WWOX: variants seen among roughly 807,000 people sequenced by gnomAD.
The protein encoded by WWOX is WW domain containing oxidoreductase.
Under a neutral mutation model 46.2 loss-of-function variants are expected in WWOX, and 69 were observed. That is an observed-to-expected ratio of 1.49 (90% CI 1.23 to 1.82). The LOEUF (loss-of-function observed/expected upper bound fraction) is 1.82, where lower values mean the gene tolerates loss of function less well. Among genes scored for constraint, WWOX ranks in the 40% most tolerant of loss-of-function variants. WWOX has a pLI of 0.00. For synonymous variants in WWOX, 359 were observed against 202.6 expected (o/e 1.77, Z -6.56); for missense variants, 919 against 542.6 (o/e 1.69, Z -6.89).
At chr16:78,722,317 A>G (rs2048712633) in intron 8 of WWOX, among the ~76,000 whole-genome samples, 1 of 152,188 alleles carries the variant, frequency 6.6e-6, no homozygotes, top group South Asian at 2.1e-4. Context: ...TCTTTACTCA[A>G]GGCTCTTGGT....
At chr16:78,668,611 C>G (rs77949872) in intron 8 of WWOX, among the ~76,000 whole-genome samples, 2 of 151,944 alleles carry the variant, frequency 1.3e-5, no homozygotes, top group African/African-American at 4.8e-5. Flanking sequence ...TTGTTATCTG[C>G]GGGGAACAGG....
chr16:78,249,745 T>A (rs969941929), intron 5 of WWOX, among the ~76,000 whole-genome samples: 2 of 152,138 alleles, frequency 1.3e-5, no homozygotes, highest in Non-Finnish European at 2.9e-5. Flanking sequence ...ATATGGCCCC[T>A]TTCTTCCCAA....
At chr16:79,021,394 GC>G (rs1326268392) in intron 8 of WWOX, among the ~76,000 whole-genome samples, 1 of 152,104 alleles carries the variant, frequency 6.6e-6, no homozygotes, top group Non-Finnish European at 1.5e-5. Flanking sequence ...GGCATTTGGT[GC>G]CCTTTGCAGA....
chr16:78,919,519 G>GTT lies in WWOX; in HGVS notation c.1057-292086_1057-292085dup, dbSNP rs1362661780. 3.6e-3 allele frequency among the ~76,000 whole-genome samples: 244 copies of GTT among 67,264 alleles called. 3 individuals are homozygous for GTT. The highest frequency in any genetic ancestry group is 9.4e-3 in the African/African-American group (212 of 22,566). The allele number at this position is 67,264 out of a possible 152,430, so 44.1% of individuals were successfully genotyped here. ...TCTCTTTTTTTTCTTTTATCTTTTT[G>GTT]TTTTGTTTTTTTTTTTTTTGAGGGA... On this transcript the variant is annotated intron_variant, in intron 8 of 8. Transcript: ENST00000566780.
At chr16:78,978,409 T>C (rs1323781520) in intron 8 of WWOX, among the ~76,000 whole-genome samples, 2 of 152,164 alleles carry the variant, frequency 1.3e-5, no homozygotes, top group Non-Finnish European at 2.9e-5. Context: ...TGGGGAAATA[T>C]CAAACCGTTT....
chr16:78,375,313 G>T (rs1258596701), intron 5 of WWOX, among the ~76,000 whole-genome samples: 1 of 152,228 alleles, frequency 6.6e-6, no homozygotes, highest in African/African-American at 2.4e-5. Flanking sequence ...CAAACAGCCT[G>T]AAGAACCAGG....
intron 1 of WWOX, among the ~76,000 whole-genome samples, chr16:78,106,929 T>C (rs950962168): frequency 6.6e-6 from 1 of 152,166 alleles, no homozygotes; most frequent in Non-Finnish European, 1.5e-5. Context: ...GCTGCTCAGG[T>C]CTTCAGCGTG....
At chr16:79,013,440 C>G (rs2047352079) in intron 8 of WWOX, among the ~76,000 whole-genome samples, 1 of 151,950 alleles carries the variant, frequency 6.6e-6, no homozygotes, top group Non-Finnish European at 1.5e-5. Flanking sequence ...ATTTTTTTCC[C>G]TTCTTTGTTT....
chr16:79,105,549 C>T (rs1597380220), intron 8 of WWOX, among the ~76,000 whole-genome samples: 2 of 152,136 alleles, frequency 1.3e-5, no homozygotes, highest in South Asian at 4.1e-4. Flanking sequence ...TCTAGAAATG[C>T]ATATATAGCT....
Position 79,199,303 on chromosome 16 carries a change from T to C in WWOX, c.1057-12305T>C, listed in dbSNP as rs564143731. On this transcript the variant is annotated intron_variant, in intron 8 of 8. Transcript: ENST00000566780. ...GTCTCGAACTCCTGACCTCAAGTGA[T>C]CCACCTGCCTTGGCCTCCCAAAGTG... Among the ~76,000 whole-genome samples, 10 of 152,268 alleles carry C rather than the reference T, an allele frequency of 6.6e-5. No individual in the cohort carries two copies. In the East Asian group the frequency reaches 1.9e-3, roughly 29 times the overall value.
At chr16:78,790,676 C>G (rs1410291501) in intron 8 of WWOX, among the ~76,000 whole-genome samples, 1 of 152,038 alleles carries the variant, frequency 6.6e-6, no homozygotes, top group East Asian at 1.9e-4. Context: ...TACAAAGGTT[C>G]AGAGAAAATC....
intron 5 of WWOX, among the ~76,000 whole-genome samples, chr16:78,298,115 A>G (rs1471482002): frequency 1.3e-5 from 2 of 152,148 alleles, no homozygotes; most frequent in African/African-American, 4.8e-5. Context: ...TTCTCCTTCC[A>G]TCATGAATGT....
chr16:78,249,371 A>G (rs1480150922), intron 5 of WWOX, among the ~76,000 whole-genome samples: 5 of 152,228 alleles, frequency 3.3e-5, no homozygotes. Context: ...GTGGGCCAGA[A>G]TGCCACTCGT....
At chr16:79,084,758 T>C (rs2048823512) in intron 8 of WWOX, among the ~76,000 whole-genome samples, 2 of 151,650 alleles carry the variant, frequency 1.3e-5, no homozygotes. Context: ...TCACAGTGAC[T>C]CCTTGTTAGG....
At position 78,450,446 on chromosome 16, in the gene WWOX, T is replaced by C. The variant is rs959583851; in HGVS notation, c.1056+17694T>C. Among the ~76,000 whole-genome samples, 9 of 152,254 alleles carry C rather than the reference T, an allele frequency of 5.9e-5. No individual in the cohort carries two copies. The East Asian group carries it at 1.7e-3, about 29-fold the overall frequency. Reference sequence around the variant, plus strand: ...AACAGGGAATAATAAACAGTCAGAGTGTCCAAGTAATCTGAGCTAGAAAGT... The same window carrying C: ...AACAGGGAATAATAAACAGTCAGAGCGTCCAAGTAATCTGAGCTAGAAAGT... On this transcript the variant is annotated intron_variant, in intron 8 of 8. Coordinates refer to ENST00000566780, the MANE Select transcript of WWOX (RefSeq NM_016373.4).
intron 8 of WWOX, among the ~76,000 whole-genome samples, chr16:79,083,516 C>A (rs1265257490): frequency 1.3e-5 from 2 of 152,200 alleles, no homozygotes; most frequent in African/African-American, 4.8e-5. Context: ...TCACCTGACA[C>A]AAACGTTTTC....
At chr16:79,028,006 C>T (rs2047679554) in intron 8 of WWOX, among the ~76,000 whole-genome samples, 1 of 151,776 alleles carries the variant, frequency 6.6e-6, no homozygotes, top group African/African-American at 2.4e-5. Context: ...GGCTGGAGTG[C>T]AGTGGTGCAA....
intron 8 of WWOX, among the ~76,000 whole-genome samples, chr16:79,053,791 G>A (rs1335596521): frequency 2.0e-5 from 3 of 152,086 alleles, no homozygotes; most frequent in African/African-American, 7.2e-5. Flanking sequence ...ATTAATCCTG[G>A]AGCCTCTGAC....
intron 8 of WWOX, among the ~76,000 whole-genome samples, chr16:78,941,462 CT>C (rs1348761573): frequency 2.3e-3 from 327 of 144,264 alleles, no homozygotes; most frequent in Non-Finnish European, 2.3e-3. Context: ...GAACAAAGTC[CT>C]TTTTTTTTTT....
Sources: gnomAD v4.1 joint callset for allele counts (sites outside exome capture counted in the v4.1 genomes callset) on GRCh38, gnomAD v4.1.1 for gene constraint, MANE v1.5 for transcripts, NCBI Gene and HGNC (gene_info 2026-07-23, HGNC 2026-07-21) for gene names.